The following FMNL2 variants were observed in gnomAD, a reference collection of about 807,000 sequenced individuals.
FMNL2 encodes the protein formin like 2.
FMNL2 carries 51 observed loss-of-function variants against 130.2 expected under a neutral mutation model. That is an observed-to-expected ratio of 0.39 (90% CI 0.31 to 0.49). The LOEUF is 0.49. FMNL2 is among the 20% of genes least tolerant of loss of function. The probability of loss-of-function intolerance (pLI) is 0.85; values close to 1 mark genes in which losing one functional copy is unlikely to be tolerated. For missense variants in FMNL2, 977 were observed against 1,316.2 expected, an observed-to-expected ratio of 0.74 and a Z score of 3.99; for synonymous variants, 465 against 467.1, an observed-to-expected ratio of 1.00 and a Z score of 0.06.
intron 20 of FMNL2, among the ~76,000 whole-genome samples, chr2:152,631,456 T>C (rs1682162092): frequency 6.7e-6 from 1 of 148,782 alleles, no homozygotes; most frequent in Non-Finnish European, 1.5e-5. Flanking sequence ...ACACAAACAC[T>C]GCAATAGGCG....
intron 1 of FMNL2, among the ~76,000 whole-genome samples, chr2:152,389,603 C>T (rs13405868): frequency 0.12 from 18,868 of 152,120 alleles, 1,355 homozygotes; most frequent in East Asian, 0.19. Context: ...TTGTTGGGCC[C>T]GGCGTGACCC....
intron 1 of FMNL2, among the ~76,000 whole-genome samples, chr2:152,357,033 A>G (rs6757784): frequency 0.47 from 58,444 of 123,968 alleles, 18,357 homozygotes; most frequent in Non-Finnish European, 0.69. Flanking sequence ...TAAATATTAC[A>G]TAAGTTTAAT....
chr2:152,422,602 G>A (rs1686979315), intron 1 of FMNL2, among the ~76,000 whole-genome samples: 1 of 152,088 alleles, frequency 6.6e-6, no homozygotes, highest in Admixed American at 6.6e-5. Context: ...TTGGCTCACT[G>A]CATCTTCTGC....
At chr2:152,520,730 T>A (rs1400351280) in intron 1 of FMNL2, among the ~76,000 whole-genome samples, 1 of 152,148 alleles carries the variant, frequency 6.6e-6, no homozygotes, top group Non-Finnish European at 1.5e-5. Flanking sequence ...GGGAAAATGC[T>A]TGGTTTAATT....
At chr2:152,472,757 C>T (rs982323236) in intron 1 of FMNL2, among the ~76,000 whole-genome samples, 1 of 152,188 alleles carries the variant, frequency 6.6e-6, no homozygotes, top group African/African-American at 2.4e-5. Context: ...CTGCTCATTC[C>T]AGCCCTCTGC....
At chr2:152,346,266 C>T (rs756304708) in intron 1 of FMNL2, among the ~76,000 whole-genome samples, 1 of 152,086 alleles carries the variant, frequency 6.6e-6, no homozygotes, top group Non-Finnish European at 1.5e-5. Context: ...CTCAGGTGAT[C>T]CGCCCACCCC....
At chr2:152,383,265 C>A (rs555061297) in intron 1 of FMNL2, among the ~76,000 whole-genome samples, 1 of 125,988 alleles carries the variant, frequency 7.9e-6, no homozygotes, top group African/African-American at 2.9e-5. Flanking sequence ...TGGACACTTC[C>A]GTTAATCCTT....
intron 1 of FMNL2, among the ~76,000 whole-genome samples, chr2:152,434,554 G>A (rs1197238439): frequency 6.6e-6 from 1 of 152,076 alleles, no homozygotes; most frequent in Non-Finnish European, 1.5e-5. Flanking sequence ...TTTAGTTTCT[G>A]TGAAGTGATT....
At chr2:152,640,120 A>C in intron 24 of FMNL2, 64 bp downstream of exon 24, 1 of 1,393,272 alleles carries the variant, frequency 7.2e-7, no homozygotes, top group South Asian at 1.5e-5. Flanking sequence ...CTTCAGAGCA[A>C]GCCATACAAA....
At chr2:152,527,479 C>T (rs1693451622) in intron 2 of FMNL2, among the ~76,000 whole-genome samples, 3 of 152,152 alleles carry the variant, frequency 2.0e-5, no homozygotes, top group Non-Finnish European at 4.4e-5. Flanking sequence ...ATCTCTCTTT[C>T]CTTCTATTAA....
At chr2:152,647,471 A>C (rs1056450767) in intron 25 of FMNL2, among the ~76,000 whole-genome samples, 14 of 152,194 alleles carry the variant, frequency 9.2e-5, no homozygotes, top group African/African-American at 2.9e-4. Flanking sequence ...AAAACAAAAC[A>C]AAAAAATTAA....
intron 1 of FMNL2, among the ~76,000 whole-genome samples, chr2:152,514,061 G>A (rs930282599): frequency 6.6e-6 from 1 of 152,094 alleles, no homozygotes; most frequent in African/African-American, 2.4e-5. Flanking sequence ...TGATGGGCAG[G>A]CCATGTGCTG....
chr2:152,375,877 C>CTCTCTCTCTCTA (rs796954245), intron 1 of FMNL2, among the ~76,000 whole-genome samples: 34 of 112,474 alleles, frequency 3.0e-4, no homozygotes, highest in African/African-American at 8.0e-4. Context: ...CTCTCTCTCT[C>CTCTCTCTCTCTA]TATATATATA....
intron 1 of FMNL2, among the ~76,000 whole-genome samples, chr2:152,431,359 A>C (rs1687481234): frequency 6.6e-6 from 1 of 152,236 alleles, no homozygotes; most frequent in Non-Finnish European, 1.5e-5. Context: ...TCAATGTCTT[A>C]GTAACCAAAA....
intron 1 of FMNL2, among the ~76,000 whole-genome samples, chr2:152,413,051 C>T (rs1686406792): frequency 6.6e-6 from 1 of 152,110 alleles, no homozygotes; most frequent in Non-Finnish European, 1.5e-5. Flanking sequence ...CTCTACTTTC[C>T]TTCCTTCTTA....
chr2:152,577,481 C>T (rs1202191794), intron 7 of FMNL2, among the ~76,000 whole-genome samples: 1 of 152,006 alleles, frequency 6.6e-6, no homozygotes, highest in Admixed American at 6.6e-5. Context: ...GAGTAATTAG[C>T]ATATAAATGG....
At chr2:152,386,690 C>T (rs559344943) in intron 1 of FMNL2, among the ~76,000 whole-genome samples, 12 of 152,222 alleles carry the variant, frequency 7.9e-5, no homozygotes, top group African/African-American at 2.9e-4. Context: ...ATGTTATTAC[C>T]TTGAGGCCTG....
At chr2:152,539,071 A>G (rs118078485) in intron 2 of FMNL2, 1 of 152,102 alleles carries the variant, frequency 6.6e-6, no homozygotes, top group Admixed American at 6.5e-5. Context: ...ATCCCATGTT[A>G]TTTTCAGGAC....
intron 1 of FMNL2, among the ~76,000 whole-genome samples, chr2:152,411,785 C>T (rs1162262767): frequency 6.6e-6 from 1 of 152,206 alleles, no homozygotes; most frequent in African/African-American, 2.4e-5. Context: ...TGTGGCCAGA[C>T]TTCTGGGAGC....
Sources: allele counts gnomAD v4.1 joint callset (sites outside exome capture counted in the v4.1 genomes callset), GRCh38; gene constraint gnomAD v4.1.1; transcripts MANE v1.5; gene names NCBI Gene and HGNC (gene_info 2026-07-23, HGNC 2026-07-21).